Variants in DHCR24 observed in about 807,000 individuals in gnomAD.
DHCR24 encodes the protein delta(24)-sterol reductase.
DHCR24 carries 28 observed loss-of-function variants against 61.2 expected under a neutral mutation model. That is an observed-to-expected ratio of 0.46 (90% CI 0.34 to 0.63). The LOEUF (loss-of-function observed/expected upper bound fraction) is 0.63. Among genes scored for constraint, DHCR24 ranks in the 20% least tolerant of loss-of-function variants. The pLI, the probability that DHCR24 is intolerant of heterozygous loss-of-function variation, is 0.01. For missense variants in DHCR24, 538 were observed against 679.1 expected, an observed-to-expected ratio of 0.79 and a Z score of 2.31; for synonymous variants, 261 against 275.9, an observed-to-expected ratio of 0.95 and a Z score of 0.54.
intron 3 of DHCR24, 116 bp from the exon 4 acceptor site, chr1:54,875,327 G>GGGCT: frequency 1.1e-6 from 1 of 873,872 alleles, no homozygotes. Context: ...AGCAGAAATG[G>GGGCT]GGCTGTTGAC....
At chr1:54,852,641 G>A (rs936267906) in intron 8 of DHCR24, among the ~76,000 whole-genome samples, 1 of 152,188 alleles carries the variant, frequency 6.6e-6, no homozygotes, top group African/African-American at 2.4e-5. Context: ...CTGGGCTTCT[G>A]CCCCTCTGCT....
intron 8 of DHCR24, 63 bp downstream of exon 8, chr1:54,853,371 C>G: frequency 1.2e-6 from 2 of 1,604,200 alleles, no homozygotes; most frequent in Non-Finnish European, 1.7e-6. Flanking sequence ...TGGCCTCATT[C>G]CCCTGGAGCA....
chr1:54,854,466 C>T (rs1646896056), intron 6 of DHCR24, among the ~76,000 whole-genome samples: 1 of 152,174 alleles, frequency 6.6e-6, no homozygotes, highest in Non-Finnish European at 1.5e-5. Flanking sequence ...AGTTACTTAA[C>T]TTCTTTGAGC....
intron 6 of DHCR24, among the ~76,000 whole-genome samples, chr1:54,860,877 A>G (rs938109486): frequency 4.0e-5 from 4 of 99,066 alleles, no homozygotes; most frequent in African/African-American, 8.4e-5. Context: ...AGTCCCAGCT[A>G]CTCGGGGGGC....
At chr1:54,884,303 G>A (rs983821033) in intron 1 of DHCR24, among the ~76,000 whole-genome samples, 1 of 152,224 alleles carries the variant, frequency 6.6e-6, no homozygotes, top group African/African-American at 2.4e-5. Flanking sequence ...GGACAGGAAA[G>A]ATAGATGGAG....
chr1:54,853,340 G>A, intron 8 of DHCR24, 94 bp downstream of exon 8: 1 of 1,513,424 alleles, frequency 6.6e-7, no homozygotes, highest in Non-Finnish European at 9.1e-7. Flanking sequence ...TAGGCTTGGG[G>A]CTCCTGGTTC....
intron 2 of DHCR24, among the ~76,000 whole-genome samples, chr1:54,881,729 T>C (rs548765563): frequency 1.3e-5 from 2 of 152,222 alleles, no homozygotes; most frequent in African/African-American, 4.8e-5. Flanking sequence ...AGCAAAGACA[T>C]GGAATCAACT....
chr1:54,883,083 T>C lies in DHCR24; in HGVS notation c.387+535A>G, dbSNP rs1647072955. Among the ~76,000 whole-genome samples the C allele has an allele frequency of 6.6e-6, 1 of 152,174 alleles. No homozygotes were observed. Among genetic ancestry groups the C allele is most frequent in the East Asian group, 1.9e-4 (1 of 5,192 alleles). ...ACCATATTTAATGACTACCCTATTATTGGATATTGTGTTGTTGTCAATTAG... is the reference window on the plus strand; with the variant it reads ...ACCATATTTAATGACTACCCTATTACTGGATATTGTGTTGTTGTCAATTAG... On this transcript the variant is annotated intron_variant, in intron 2 of 8. Coordinates refer to ENST00000371269, the MANE Select transcript of DHCR24 (RefSeq NM_014762.4). This position sits in a 1 kb window ranked among gnomAD's most constrained non-coding sequence, Gnocchi z 4.3.
At chr1:54,869,213 G>A (rs12028406) in intron 5 of DHCR24, among the ~76,000 whole-genome samples, 4 of 152,316 alleles carry the variant, frequency 2.6e-5, no homozygotes, top group South Asian at 2.1e-4. Context: ...TATTTTTAAC[G>A]CTATCAGATT....
At chr1:54,876,118 G>T in intron 2 of DHCR24, 71 bp from the exon 3 acceptor site, 1 of 1,211,616 alleles carries the variant, frequency 8.3e-7, no homozygotes, top group Non-Finnish European at 1.2e-6. Flanking sequence ...GCTGCACACA[G>T]AAGGTGTCAT....
At chr1:54,868,828 G>T (rs1047644493) in intron 5 of DHCR24, among the ~76,000 whole-genome samples, 1 of 152,200 alleles carries the variant, frequency 6.6e-6, no homozygotes. Context: ...AGCATTTTGG[G>T]AGGCCGAGGC....
At chr1:54,855,640 T>C (rs142092718) in intron 6 of DHCR24, among the ~76,000 whole-genome samples, 2 of 152,284 alleles carry the variant, frequency 1.3e-5, no homozygotes, top group African/African-American at 2.4e-5. Context: ...CAGCCATGTG[T>C]GTAAGCACTG....
chr1:54,859,083 G>A (rs1378954857), intron 6 of DHCR24, among the ~76,000 whole-genome samples: 1 of 152,150 alleles, frequency 6.6e-6, no homozygotes, highest in Non-Finnish European at 1.5e-5. Flanking sequence ...TGTGACCTAC[G>A]ACTGGGTCAT....
intron 4 of DHCR24, among the ~76,000 whole-genome samples, chr1:54,874,483 T>C (rs1647015722): frequency 1.3e-5 from 2 of 151,976 alleles, no homozygotes; most frequent in East Asian, 1.9e-4. Flanking sequence ...AGTCAAGGAG[T>C]AGTAGGCTAT....
intron 4 of DHCR24, among the ~76,000 whole-genome samples, chr1:54,874,342 G>A (rs1647014868): frequency 6.6e-6 from 1 of 152,124 alleles, no homozygotes; most frequent in Non-Finnish European, 1.5e-5. Context: ...CGCTACATAG[G>A]TGTACCATTC....
intron 2 of DHCR24, among the ~76,000 whole-genome samples, chr1:54,881,502 A>C (rs1410268344): frequency 6.6e-6 from 1 of 152,230 alleles, no homozygotes; most frequent in Non-Finnish European, 1.5e-5. Context: ...GATGCTGGTG[A>C]AGTTGCAGAG....
At chr1:54,871,648 C>T in intron 4 of DHCR24, 35 bp from the exon 5 acceptor site, 1 of 1,614,026 alleles carries the variant, frequency 6.2e-7, no homozygotes, top group Non-Finnish European at 8.5e-7. Flanking sequence ...TGAGCTGAAA[C>T]CTTGGGCCCC....
chr1:54,856,533 C>T (rs1430029125), intron 6 of DHCR24, among the ~76,000 whole-genome samples: 2 of 151,854 alleles, frequency 1.3e-5, no homozygotes, highest in South Asian at 2.1e-4. Flanking sequence ...AGCGGAGAGG[C>T]GGAGGTTGCA....
At chr1:54,861,733 A>T (rs1341601661) in intron 6 of DHCR24, among the ~76,000 whole-genome samples, 18 of 152,304 alleles carry the variant, frequency 1.2e-4, no homozygotes, top group Non-Finnish European at 1.5e-5. Context: ...CCACAAACAC[A>T]GGGCTGGTCT....
Sources: allele counts gnomAD v4.1 joint callset (sites outside exome capture counted in the v4.1 genomes callset), GRCh38; gene constraint gnomAD v4.1.1; non-coding constraint Gnocchi (gnomAD v3.1); transcripts MANE v1.5; gene names NCBI Gene and HGNC (gene_info 2026-07-23, HGNC 2026-07-21).